The following PTK2 variants were observed in gnomAD, a reference collection of about 807,000 sequenced individuals.
PTK2 encodes focal adhesion kinase 1.
Under a neutral mutation model 150.1 loss-of-function variants are expected in PTK2, and 45 were observed. The ratio of observed to expected loss-of-function variants is 0.30; its 90% confidence interval spans 0.24 to 0.38. The LOEUF (loss-of-function observed/expected upper bound fraction) is 0.38. Among genes scored for constraint, PTK2 ranks in the 10% least tolerant of loss-of-function variants. The pLI, the probability that PTK2 is intolerant of heterozygous loss-of-function variation, is 1.00. For missense variants in PTK2, 919 were observed against 1,307.3 expected, an observed-to-expected ratio of 0.70 and a Z score of 4.58; for synonymous variants, 432 against 449.2, an observed-to-expected ratio of 0.96 and a Z score of 0.48.
intron 2 of PTK2, among the ~76,000 whole-genome samples, chr8:140,915,033 C>CAAAAAAAAAA (rs10661609): frequency 1.9e-5 from 1 of 53,070 alleles, no homozygotes; most frequent in African/African-American, 7.6e-5. Context: ...AACTCCAACT[C>CAAAAAAAAAA]AAAAAAAAAA....
At chr8:140,697,860 T>G (rs1033764910) in intron 26 of PTK2, among the ~76,000 whole-genome samples, 2 of 131,990 alleles carry the variant, frequency 1.5e-5, no homozygotes, top group East Asian at 2.2e-4. Context: ...CTGTTTTTTT[T>G]TTTTTTTTTT....
chr8:140,669,335 A>G (rs1340847909), intron 29 of PTK2: 1 of 141,124 alleles, frequency 7.1e-6, no homozygotes, highest in African/African-American at 2.7e-5. Flanking sequence ...ATATATATAT[A>G]TATATACACT....
intron 2 of PTK2, among the ~76,000 whole-genome samples, chr8:140,912,901 G>C (rs1031151127): frequency 4.6e-5 from 7 of 151,984 alleles, no homozygotes; most frequent in African/African-American, 1.7e-4. Context: ...AGCCGAGATC[G>C]TGCCACTGCA....
intron 23 of PTK2, among the ~76,000 whole-genome samples, chr8:140,707,471 T>G (rs1319457741): frequency 6.6e-6 from 1 of 152,230 alleles, no homozygotes; most frequent in Non-Finnish European, 1.5e-5. Context: ...CAAGGTATAA[T>G]CCCGGCTCAC....
chr8:140,935,702 C>T (rs866379565), intron 1 of PTK2, among the ~76,000 whole-genome samples: 33 of 123,858 alleles, frequency 2.7e-4, no homozygotes, highest in Admixed American at 6.6e-4. Flanking sequence ...ATGTCCTCAT[C>T]TTTTTTTTTT....
intron 1 of PTK2, among the ~76,000 whole-genome samples, chr8:140,960,187 CTTTTTTTTTT>C (rs371999950): frequency 6.9e-5 from 5 of 72,348 alleles, no homozygotes; most frequent in Non-Finnish European, 7.1e-5. Context: ...CAATTTTAAA[CTTTTTTTTTT>C]TTTTTTTTTT....
intron 2 of PTK2, among the ~76,000 whole-genome samples, chr8:140,898,389 G>T (rs888021300): frequency 2.6e-5 from 4 of 152,182 alleles, no homozygotes; most frequent in Admixed American, 2.6e-4. Flanking sequence ...TTAAATCACT[G>T]TAGGCAAGAG....
intron 14 of PTK2, among the ~76,000 whole-genome samples, chr8:140,777,062 C>T (rs192089185): frequency 3.4e-4 from 52 of 152,292 alleles, no homozygotes; most frequent in Middle Eastern, 3.4e-3. Context: ...GGCGGGGAAA[C>T]CACAGTGGGT....
At chr8:140,664,843 C>A in intron 31 of PTK2, 74 bp downstream of exon 35, 2 of 1,455,018 alleles carry the variant, frequency 1.4e-6, no homozygotes, top group Non-Finnish European at 1.9e-6. Flanking sequence ...CGGCCTTCAG[C>A]ACCACAGGCA....
chr8:140,946,266 C>T (rs945606172), intron 1 of PTK2, among the ~76,000 whole-genome samples: 2 of 152,124 alleles, frequency 1.3e-5, no homozygotes, highest in African/African-American at 4.8e-5. Context: ...AAAAACAAAG[C>T]TGAACAAGAA....
chr8:140,902,115 C>G (rs931046917), intron 2 of PTK2, among the ~76,000 whole-genome samples: 9 of 151,866 alleles, frequency 5.9e-5, no homozygotes, highest in African/African-American at 2.2e-4. Context: ...CTCACTGCAG[C>G]CTCTGACCCC....
chr8:140,758,754 G>A (rs953906756), intron 16 of PTK2, among the ~76,000 whole-genome samples: 1 of 152,184 alleles, frequency 6.6e-6, no homozygotes, highest in Non-Finnish European at 1.5e-5. Flanking sequence ...TAAATTTAAC[G>A]TAGCCAAAGC....
intron 5 of PTK2, among the ~76,000 whole-genome samples, chr8:140,847,301 C>T (rs769944977): frequency 6.6e-6 from 1 of 152,134 alleles, no homozygotes; most frequent in Non-Finnish European, 1.5e-5. Flanking sequence ...AGTGATTAAT[C>T]TGCAAAGTAA....
chr8:140,949,953 G>C (rs1249709527), intron 1 of PTK2, among the ~76,000 whole-genome samples: 1 of 151,946 alleles, frequency 6.6e-6, no homozygotes, highest in African/African-American at 2.4e-5. Context: ...TCCCTTCTGA[G>C]CCCATAAAAA....
Position 140,675,720 on chromosome 8 carries a change from C to A in PTK2, c.2563-221G>T, listed in dbSNP as rs1421642668. 9 of 512,038 alleles carry A rather than the reference C, an allele frequency of 1.8e-5. No homozygotes were observed. In the East Asian group the frequency reaches 2.6e-4, roughly 15 times the overall value. The allele number at this position is 512,038 out of a possible 1,614,324, so 31.7% of individuals were successfully genotyped here. ...TGTGTGGAAAGGGCTGTGAGAGAAG[C>A]AAGCATGGGACACTCTGGAACCACA... On this transcript the variant is annotated intron_variant, in intron 27 of 31. Coordinates refer to ENST00000522684, the Ensembl canonical transcript of PTK2.
chr8:140,664,203 C>T (rs556311944), intron 31 of PTK2, among the ~76,000 whole-genome samples: 3 of 152,264 alleles, frequency 2.0e-5, no homozygotes, highest in Admixed American at 6.5e-5. Context: ...AGGATGGTCT[C>T]GATCTCTTGA....
intron 26 of PTK2, among the ~76,000 whole-genome samples, chr8:140,688,552 A>C (rs1431204448): frequency 1.3e-5 from 2 of 151,792 alleles, no homozygotes; most frequent in South Asian, 4.2e-4. Context: ...TCATCTCTAC[A>C]AAGAAAAAAA....
intron 26 of PTK2, among the ~76,000 whole-genome samples, chr8:140,695,522 T>C (rs754925144): frequency 6.6e-6 from 1 of 152,098 alleles, no homozygotes; most frequent in Non-Finnish European, 1.5e-5. Context: ...GCAATTCTGC[T>C]GCTGCAGCCT....
chr8:140,710,404 C>T (rs572388897), intron 23 of PTK2, among the ~76,000 whole-genome samples: 32 of 150,552 alleles, frequency 2.1e-4, no homozygotes, highest in Middle Eastern at 7.1e-3. Context: ...GAAGATGGGC[C>T]GGGCGTGATG....
Sources: gnomAD v4.1 joint callset for allele counts (sites outside exome capture counted in the v4.1 genomes callset) on GRCh38, gnomAD v4.1.1 for gene constraint, MANE v1.5 for transcripts, NCBI Gene and HGNC (gene_info 2026-07-23, HGNC 2026-07-21) for gene names.